Variants in USP7 observed in about 807,000 individuals in gnomAD.
USP7 encodes ubiquitin specific peptidase 7.
Under a neutral mutation model 162.9 loss-of-function variants are expected in USP7, and 9 were observed. That is an observed-to-expected ratio of 0.06 (90% CI 0.03 to 0.10). The LOEUF (loss-of-function observed/expected upper bound fraction) is 0.10. USP7 is among the 10% of genes least tolerant of loss of function. USP7 has a pLI of 1.00. For missense variants in USP7, 715 were observed against 1,373.7 expected (o/e 0.52, Z 7.58); for synonymous variants, 562 against 475.9 (o/e 1.18, Z -2.35).
At chr16:8,929,634 T>A (rs1485330201) in intron 2 of USP7, 2 of 454,614 alleles carry the variant, frequency 4.4e-6, no homozygotes, top group Non-Finnish European at 8.9e-6. Context: ...AGGGGCTGCA[T>A]ACTGCAATTA....
At chr16:8,915,384 G>T (rs368196563) in intron 9 of USP7, 40 bp from the exon 10 acceptor site, 12 of 1,612,726 alleles carry the variant, frequency 7.4e-6, no homozygotes, top group African/African-American at 1.3e-5. Flanking sequence ...ACTAGTAATA[G>T]TCAAAAAATT....
rs1266392896 is a variant in USP7 at position 8,923,424 on chromosome 16, AAC to A, written c.185-13_185-12del. The A allele has an allele frequency of 4.3e-6, 7 of 1,613,880 alleles. No homozygotes were observed. The highest frequency in any genetic ancestry group is 5.9e-6 in the Non-Finnish European group (7 of 1,179,844). ...AGCGCCAACTGGTGTCTGCAAAAAA[AAC>A]ACATCATCAGTCACAGAGCCTGTGC... On this transcript the variant is annotated splice_polypyrimidine_tract_variant and intron_variant, in intron 2 of 30. Coordinates refer to ENST00000344836, the MANE Select transcript of USP7 (RefSeq NM_003470.3).
chr16:8,936,860 G>A (rs1476555732), intron 1 of USP7: 2 of 819,644 alleles, frequency 2.4e-6, no homozygotes, highest in Non-Finnish European at 3.2e-6. Flanking sequence ...ATCTGACTTT[G>A]GTTAACAACA....
chr16:8,936,672 T>A (rs753406036), intron 1 of USP7: 6 of 1,535,020 alleles, frequency 3.9e-6, no homozygotes, highest in Non-Finnish European at 8.7e-7. Context: ...CTCACCCACA[T>A]CAGAGTGACT....
At chr16:8,952,287 T>A (rs1899589547) in intron 1 of USP7, among the ~76,000 whole-genome samples, 1 of 152,208 alleles carries the variant, frequency 6.6e-6, no homozygotes, top group Admixed American at 6.5e-5. Context: ...CACTACTTTA[T>A]GACCAATAGC....
chr16:8,929,136 T>A (rs927428110), intron 2 of USP7, among the ~76,000 whole-genome samples: 1 of 152,150 alleles, frequency 6.6e-6, no homozygotes, highest in African/African-American at 2.4e-5. Context: ...GCAGGGCCTG[T>A]CACTGCTACA....
chr16:8,910,626 A>G (rs894609792), intron 11 of USP7, 119 bp downstream of exon 11: 4 of 846,584 alleles, frequency 4.7e-6, no homozygotes. Context: ...GAATCCTTGT[A>G]TATTCTAAAT....
At position 8,899,112 on chromosome 16, in the gene USP7, G is replaced by A; in HGVS notation, c.2531+9C>T. Reference sequence around the variant, plus strand: ...CAAGACCAAGCAAGTGTCCACACATGTGACCTACCCTTGAGACTTGAAAAA... The same window carrying A: ...CAAGACCAAGCAAGTGTCCACACATATGACCTACCCTTGAGACTTGAAAAA... On this transcript the variant is annotated intron_variant, in intron 23 of 30. Transcript: ENST00000344836. The A allele has an allele frequency of 6.2e-7, 1 of 1,614,152 alleles. No homozygotes were observed. Among genetic ancestry groups the A allele is most frequent in the South Asian group, 1.1e-5 (1 of 91,080 alleles).
At chr16:8,924,046 G>A (rs1277959604) in intron 2 of USP7, among the ~76,000 whole-genome samples, 5 of 152,126 alleles carry the variant, frequency 3.3e-5, no homozygotes, top group African/African-American at 9.7e-5. Flanking sequence ...CACATGAGTA[G>A]TATAAATTGT....
In USP7 at chr16:8,899,667, A is replaced by C. The variant is rs780040314; in HGVS notation, c.2400T>G (p.Asp800Glu). The change falls in exon 22 of 31, where the codon GAT becomes GAG. Residue 800 changes from aspartate to glutamate, a missense_variant. By Grantham distance (45) the Asp-to-Glu change is conservative (BLOSUM62 2). Around this residue, in one of 11 missense-constraint regions of USP7, gnomAD observed 222 missense variants for 441.7 expected, o/e 0.50. Transcript: ENST00000344836. ...LYHRVDVIFCDKTIPNDPGFV... is the reference protein window; with the variant it reads ...LYHRVDVIFCEKTIPNDPGFV... ...ATCCAGGATCATTAGGGATTGTTTT[A>C]TCACAGAAAATGACATCAACGCGGT... 6.2e-7 allele frequency: 1 copy of C among 1,614,258 alleles called. No homozygotes were observed. Among genetic ancestry groups the C allele is most frequent in the Non-Finnish European group, 8.5e-7 (1 of 1,180,026 alleles).
At chr16:8,932,639 C>A (rs1414462029) in intron 1 of USP7, among the ~76,000 whole-genome samples, 2 of 152,048 alleles carry the variant, frequency 1.3e-5, no homozygotes, top group African/African-American at 4.8e-5. Flanking sequence ...AAAGAAAAAT[C>A]AGGTACTCTG....
chr16:8,914,019 T>A (rs768033800), intron 10 of USP7, among the ~76,000 whole-genome samples: 2 of 151,978 alleles, frequency 1.3e-5, no homozygotes, highest in Non-Finnish European at 2.9e-5. Context: ...ATTACAGGCA[T>A]GAGCGACCAC....
chr16:8,918,196 C>T (rs1008046748), intron 6 of USP7, among the ~76,000 whole-genome samples: 3 of 152,246 alleles, frequency 2.0e-5, no homozygotes, highest in South Asian at 2.1e-4. Flanking sequence ...GGATATATCA[C>T]GACAACCTGT....
intron 1 of USP7, among the ~76,000 whole-genome samples, chr16:8,935,378 T>C (rs1203667826): frequency 2.6e-5 from 4 of 152,068 alleles, no homozygotes; most frequent in African/African-American, 9.7e-5. Context: ...CCCAGCTAAT[T>C]TGTCTGTATT....
intron 2 of USP7, among the ~76,000 whole-genome samples, chr16:8,928,435 C>G (rs1898134309): frequency 6.6e-6 from 1 of 152,186 alleles, no homozygotes; most frequent in Non-Finnish European, 1.5e-5. Context: ...TATGACAACC[C>G]TGAGACATAC....
Position 8,900,970 on chromosome 16 carries a change from G to T in USP7, c.2208+20C>A, listed in dbSNP as rs771165336. On this transcript the variant is annotated intron_variant, in intron 20 of 30. Transcript: ENST00000344836. ...AACTACTAAGAATATACTAATTATG[G>T]AAAAATAAACCATCCAAACCTCATA... is the stretch of plus-strand genomic sequence containing the variant. The T allele has an allele frequency of 3.1e-6, 5 of 1,609,848 alleles. No homozygotes were observed. Among genetic ancestry groups the T allele is most frequent in the Non-Finnish European group, 4.2e-6 (5 of 1,178,488 alleles).
At position 8,904,542 on chromosome 16, in the gene USP7, C is replaced by G; in HGVS notation, c.1597G>C (p.Asp533His). The part of the protein sequence containing the change: ...KLSEVLQAVT[D>H]HDIPQQLVER... ...ACCAACTGCTGAGGAATATCATGGTCGGTGACCGCCTGTAAAACTTCACCT... is the reference window on the plus strand; with the variant it reads ...ACCAACTGCTGAGGAATATCATGGTGGGTGACCGCCTGTAAAACTTCACCT... The change falls in exon 15 of 31, where the codon GAC (aspartate) becomes CAC (histidine). Residue 533 changes from aspartate (D) to histidine (H), a missense_variant. This residue lies in a region of USP7 where 197 missense variants were observed against 306.5 expected (regional missense o/e 0.64). Coordinates refer to ENST00000344836, the MANE Select transcript of USP7 (RefSeq NM_003470.3). 1 of 1,614,074 alleles carries G rather than the reference C, an allele frequency of 6.2e-7. No homozygotes were observed. The highest frequency in any genetic ancestry group is 8.5e-7 in the Non-Finnish European group (1 of 1,180,008).
chr16:8,928,686 G>T (rs1420372412), intron 2 of USP7, among the ~76,000 whole-genome samples: 1 of 152,118 alleles, frequency 6.6e-6, no homozygotes, highest in Admixed American at 6.5e-5. Context: ...TCCAAACCAA[G>T]GAAAGGTGCT....
chr16:8,934,631 G>A (rs1280765342), intron 1 of USP7, among the ~76,000 whole-genome samples: 1 of 152,238 alleles, frequency 6.6e-6, no homozygotes, highest in Non-Finnish European at 1.5e-5. Flanking sequence ...GTCTGCGGTT[G>A]CAGCAGAATC....
Sources: allele counts gnomAD v4.1 joint callset (sites outside exome capture counted in the v4.1 genomes callset), GRCh38; gene constraint gnomAD v4.1.1; regional missense constraint gnomAD v4.1.1; transcripts MANE v1.5; gene names NCBI Gene and HGNC (gene_info 2026-07-23, HGNC 2026-07-21).